Variants in SFI1 observed in about 807,000 individuals in gnomAD.
SFI1 encodes the protein SFI1 centrin binding protein.
Under a neutral mutation model 207.5 loss-of-function variants are expected in SFI1, and 195 were observed. The ratio of observed to expected loss-of-function variants is 0.94; its 90% confidence interval spans 0.84 to 1.06. The LOEUF is 1.06. Ranked by LOEUF, SFI1 falls within the 50% of genes least tolerant of loss-of-function variation. The probability of loss-of-function intolerance (pLI) is 0.00; values close to 1 mark genes in which losing one functional copy is unlikely to be tolerated. For missense variants in SFI1, 1,634 were observed against 1,588.0 expected (o/e 1.03, Z -0.49); for synonymous variants, 630 against 598.9 (o/e 1.05, Z -0.76).
intron 14 of SFI1, among the ~76,000 whole-genome samples, chr22:31,587,005 T>C (rs1372343375): frequency 6.6e-6 from 1 of 152,224 alleles, no homozygotes; most frequent in African/African-American, 2.4e-5. Context: ...AAAAATATTA[T>C]TTTTTGTGGG....
chr22:31,559,106 C>T (rs1373627665), intron 7 of SFI1, among the ~76,000 whole-genome samples: 1 of 152,052 alleles, frequency 6.6e-6, no homozygotes, highest in African/African-American at 2.4e-5. Context: ...CGGGCCCAGC[C>T]TATTTATTGA....
chr22:31,510,214 A>G (rs1210901730), intron 2 of SFI1, among the ~76,000 whole-genome samples: 1 of 152,002 alleles, frequency 6.6e-6, no homozygotes, highest in African/African-American at 2.4e-5. Flanking sequence ...TTTATTTTAG[A>G]GACAGGGTCT....
At chr22:31,503,342 A>G (rs980908140) in intron 1 of SFI1, among the ~76,000 whole-genome samples, 2 of 152,074 alleles carry the variant, frequency 1.3e-5, no homozygotes, top group African/African-American at 2.4e-5. Context: ...CAGGGTTGGA[A>G]TTCTGTGTGG....
At chr22:31,533,765 A>G (rs990346791) in intron 4 of SFI1, among the ~76,000 whole-genome samples, 1 of 152,152 alleles carries the variant, frequency 6.6e-6, no homozygotes, top group African/African-American at 2.4e-5. Context: ...CAGTGCCTTA[A>G]ATAAATTTTT....
At position 31,580,370 on chromosome 22, in the gene SFI1, G is replaced by T. The variant is rs1569369478; in HGVS notation, c.1248+6G>T. ...ACCAGCAGCATGGTGTCACGGTGAG[G>T]GTTGTCTTCTGTATCAAGGGACCTC... On this transcript the variant is annotated splice_donor_region_variant and intron_variant, in intron 12 of 32. Transcript: ENST00000400288. The T allele has an allele frequency of 6.2e-7, 1 of 1,611,818 alleles. No individual in the cohort carries two copies. The highest frequency in any genetic ancestry group is 8.5e-7 in the Non-Finnish European group (1 of 1,178,134).
chr22:31,549,830 C>CTT (rs555982116), intron 5 of SFI1, among the ~76,000 whole-genome samples: 19 of 136,292 alleles, frequency 1.4e-4, no homozygotes, highest in African/African-American at 1.4e-4. Flanking sequence ...GCAGATATGG[C>CTT]TTTTTTTTTT....
At chr22:31,536,495 G>A (rs191398076) in intron 4 of SFI1, among the ~76,000 whole-genome samples, 8 of 152,110 alleles carry the variant, frequency 5.3e-5, no homozygotes, top group Non-Finnish European at 8.8e-5. Flanking sequence ...CACTGCAACC[G>A]CCACCTTCTG....
intron 4 of SFI1, among the ~76,000 whole-genome samples, chr22:31,540,820 C>G (rs2059414424): frequency 6.6e-6 from 1 of 152,064 alleles, no homozygotes; most frequent in Non-Finnish European, 1.5e-5. Context: ...CTCAAGTGAT[C>G]CACCCACCTT....
chr22:31,582,504 G>A (rs1369692028), intron 12 of SFI1, among the ~76,000 whole-genome samples: 2 of 151,294 alleles, frequency 1.3e-5, no homozygotes, highest in East Asian at 2.0e-4. Context: ...CTCCCACCTC[G>A]GCCTCCCAAA....
chr22:31,499,437 G>C (rs2053339330), intron 1 of SFI1, among the ~76,000 whole-genome samples: 1 of 152,140 alleles, frequency 6.6e-6, no homozygotes, highest in South Asian at 2.1e-4. Context: ...CTCCCAAAGT[G>C]CTGGGATTAC....
intron 15 of SFI1, among the ~76,000 whole-genome samples, chr22:31,601,802 T>C (rs2068140250): frequency 6.6e-6 from 1 of 152,022 alleles, no homozygotes; most frequent in African/African-American, 2.4e-5. Context: ...ACCTCTTTTA[T>C]TTTTTTCAGA....
chr22:31,553,836 ATGTTTTTTTTTTTT>A lies in SFI1; in HGVS notation c.545-3104_545-3091del, dbSNP rs1314623835. 2.3e-4 allele frequency among the ~76,000 whole-genome samples: 5 copies of A among 21,954 alleles called. 1 individual carries two copies. Among genetic ancestry groups the A allele is most frequent in the African/African-American group, 6.8e-4 (5 of 7,310 alleles). The allele number at this position is 21,954 out of a possible 152,430, so 14.4% of individuals were successfully genotyped here. A position where few individuals can be genotyped will look rare whatever the true frequency, so the allele number is the denominator to read the frequency against. On this transcript the variant is annotated intron_variant, in intron 6 of 32. Coordinates refer to ENST00000400288, the MANE Select transcript of SFI1 (RefSeq NM_001007467.3). ...CCATTCTATTTTTTTTTAATGGATT[ATGTTTTTTTTTTTT>A]TTTTTTTTTTTTTTTTTTGCGAGAG...
intron 22 of SFI1, among the ~76,000 whole-genome samples, chr22:31,609,302 CCTAGT>C (rs1211947858): frequency 7.2e-5 from 11 of 152,220 alleles, no homozygotes; most frequent in African/African-American, 2.6e-4. Context: ...CTGGCCAAGA[CCTAGT>C]CTCTTTTAAA....
chr22:31,598,046 T>C (rs1225977689), intron 15 of SFI1, among the ~76,000 whole-genome samples: 2 of 151,418 alleles, frequency 1.3e-5, no homozygotes, highest in East Asian at 1.9e-4. Context: ...GGCGTGATCT[T>C]GGCTCACTGC....
At chr22:31,565,491 G>T (rs1048061500) in intron 8 of SFI1, among the ~76,000 whole-genome samples, 1 of 148,044 alleles carries the variant, frequency 6.8e-6, no homozygotes, top group Non-Finnish European at 1.5e-5. Context: ...GAGTTTAGGA[G>T]TTCAAGACCA....
chr22:31,507,294 G>C (rs2054780437), intron 1 of SFI1, among the ~76,000 whole-genome samples: 2 of 152,186 alleles, frequency 1.3e-5, no homozygotes, highest in South Asian at 4.1e-4. Context: ...GGGAGAACTG[G>C]CTAGCCATAT....
intron 2 of SFI1, among the ~76,000 whole-genome samples, chr22:31,519,437 A>ATT (rs756071630): frequency 2.9e-5 from 4 of 137,568 alleles, no homozygotes; most frequent in Non-Finnish European, 6.4e-5. Flanking sequence ...CATCTGGCTA[A>ATT]TTTTTTTTTT....
intron 1 of SFI1, among the ~76,000 whole-genome samples, chr22:31,500,463 TTTA>T (rs1471871837): frequency 1.3e-5 from 2 of 152,108 alleles, no homozygotes; most frequent in African/African-American, 4.8e-5. Context: ...TTTATTTATT[TTTA>T]TTTTTATTTT....
intron 20 of SFI1, chr22:31,605,955 A>G: frequency 4.4e-6 from 1 of 227,652 alleles, no homozygotes; most frequent in South Asian, 8.2e-5. Context: ...TCCCTGAGCT[A>G]ACTCAGCAGC....
Sources: gnomAD v4.1 joint callset for allele counts (sites outside exome capture counted in the v4.1 genomes callset) on GRCh38, gnomAD v4.1.1 for gene constraint, MANE v1.5 for transcripts, NCBI Gene and HGNC (gene_info 2026-07-23, HGNC 2026-07-21) for gene names.